Variants in PCCB observed in about 807,000 individuals in gnomAD.
PCCB encodes the protein propionyl-CoA carboxylase beta chain, mitochondrial.
A neutral mutation model predicts 60.7 loss-of-function variants in PCCB; 43 were observed. The ratio of observed to expected loss-of-function variants is 0.71; its 90% confidence interval spans 0.55 to 0.91. The LOEUF (loss-of-function observed/expected upper bound fraction) is 0.91. Ranked by LOEUF, PCCB falls within the 40% of genes least tolerant of loss-of-function variation. PCCB has a pLI of 0.00. For missense variants in PCCB, 766 were observed against 702.8 expected, an observed-to-expected ratio of 1.09 and a Z score of -1.02; for synonymous variants, 276 against 255.9, an observed-to-expected ratio of 1.08 and a Z score of -0.75.
intron 5 of PCCB, among the ~76,000 whole-genome samples, chr3:136,274,269 C>T (rs1942282967): frequency 6.6e-6 from 1 of 151,680 alleles, no homozygotes; most frequent in Admixed American, 6.6e-5. Context: ...GCATATTGAG[C>T]TTTTGTTTCA....
rs189494066 is a variant in PCCB at position 136,300,916 on chromosome 3, C to G, written c.885-114C>G. 8 of 762,952 alleles carry G rather than the reference C, an allele frequency of 1.0e-5. No individual in the cohort carries two copies. The Admixed American group carries it at 1.6e-4, about 15-fold the overall frequency. The allele number at this position is 762,952 out of a possible 1,614,324, so 47.3% of individuals were successfully genotyped here. On this transcript the variant is annotated intron_variant, in intron 8 of 14. Coordinates refer to ENST00000251654, the MANE Select transcript of PCCB (RefSeq NM_000532.5). ...GACTGCTTTGTAAGCCCAGCAGGGACAGAACTGGCCCAGTCCCTATGACGT... is the reference window on the plus strand; with the variant it reads ...GACTGCTTTGTAAGCCCAGCAGGGAGAGAACTGGCCCAGTCCCTATGACGT...
chr3:136,308,608 G>C (rs889840826), intron 9 of PCCB, among the ~76,000 whole-genome samples: 7 of 152,098 alleles, frequency 4.6e-5, no homozygotes, highest in African/African-American at 1.4e-4. Flanking sequence ...ATTTCTTTTG[G>C]ACTTTACACC....
At position 136,255,872 on chromosome 3, in the gene PCCB, G is replaced by A; in HGVS notation, c.200G>A (p.Arg67Lys). The A allele has an allele frequency of 6.2e-7, 1 of 1,613,980 alleles. No individual in the cohort carries two copies. Among genetic ancestry groups the A allele is most frequent in the Non-Finnish European group, 8.5e-7 (1 of 1,179,900 alleles). The part of the protein sequence containing the change: ...AQHKRGKLTA[R>K]ERISLLLDPG... ...CCATTGTAGGGAAAGCTAACAGCCA[G>A]GGAGAGGATCAGTCTCTTGCTGGAC... The change falls in exon 2 of 15, where the codon AGG (arginine) becomes AAG (lysine). Residue 67 changes from arginine to lysine, a missense_variant. Physicochemically the swap from Arg to Lys is conservative, Grantham distance 26. Coordinates refer to ENST00000251654, the MANE Select transcript of PCCB (RefSeq NM_000532.5).
At chr3:136,291,170 G>C (rs1933670887) in intron 6 of PCCB, among the ~76,000 whole-genome samples, 1 of 151,920 alleles carries the variant, frequency 6.6e-6, no homozygotes, top group African/African-American at 2.4e-5. Context: ...ATGGAGTCTT[G>C]CTGTCTTGGC....
intron 8 of PCCB, among the ~76,000 whole-genome samples, chr3:136,299,520 GTA>G (rs1934115189): frequency 7.5e-6 from 1 of 134,206 alleles, no homozygotes; most frequent in African/African-American, 3.2e-5. Context: ...GTATGCATGT[GTA>G]TGTATGTATA....
At chr3:136,328,580 G>A (rs1935418309) in intron 13 of PCCB, among the ~76,000 whole-genome samples, 178 bp from the exon 14 acceptor site, 1 of 152,168 alleles carries the variant, frequency 6.6e-6, no homozygotes, top group African/African-American at 2.4e-5. Context: ...AGCCCCTTGT[G>A]TCATGATGGT....
rs398123461 is a variant in PCCB, at chr3:136,250,561, G to C, written c.183+3G>C. The C allele has an allele frequency of 6.2e-7, 1 of 1,610,168 alleles. No individual in the cohort carries two copies. The highest frequency in any genetic ancestry group is 1.7e-5 in the Admixed American group (1 of 59,780). On this transcript the variant is annotated splice_donor_region_variant and intron_variant, in intron 1 of 14. Transcript: ENST00000251654. ...GTATTGACGCGCAGCACAAGCGAGT[G>C]AGTCCTGAGGGGCCTAAGTGAGTCC...
chr3:136,262,989 C>CT (rs1184166354), intron 5 of PCCB, among the ~76,000 whole-genome samples: 2 of 139,408 alleles, frequency 1.4e-5, no homozygotes, highest in Non-Finnish European at 1.5e-5. Context: ...GAGTCTGGCT[C>CT]TGTCTCCCAG....
chr3:136,320,150 T>C (rs966703055), intron 10 of PCCB, among the ~76,000 whole-genome samples: 2 of 152,232 alleles, frequency 1.3e-5, no homozygotes, highest in African/African-American at 4.8e-5. Flanking sequence ...AACTTTATTG[T>C]TGTTCTTAGG....
intron 8 of PCCB, among the ~76,000 whole-genome samples, chr3:136,299,189 T>G (rs1934077830): frequency 6.6e-6 from 1 of 150,726 alleles, no homozygotes; most frequent in African/African-American, 2.4e-5. Flanking sequence ...CCAAGGGAGA[T>G]ATATATCCAT....
At chr3:136,253,979 T>C (rs1941596241) in intron 1 of PCCB, among the ~76,000 whole-genome samples, 1 of 151,992 alleles carries the variant, frequency 6.6e-6, no homozygotes, top group African/African-American at 2.4e-5. Context: ...TCTGTATATA[T>C]GTTGCCAAGT....
chr3:136,279,981 G>A (rs1361344413), intron 5 of PCCB, among the ~76,000 whole-genome samples: 1 of 152,158 alleles, frequency 6.6e-6, no homozygotes, highest in African/African-American at 2.4e-5. Context: ...ATTTATTTTT[G>A]TAAATTTTAT....
chr3:136,274,994 G>A (rs1942303393), intron 5 of PCCB, among the ~76,000 whole-genome samples: 1 of 151,648 alleles, frequency 6.6e-6, no homozygotes, highest in Non-Finnish European at 1.5e-5. Context: ...TGTTTTTTTT[G>A]TAGAGATGGA....
At chr3:136,300,046 G>A (rs1391719321) in intron 8 of PCCB, among the ~76,000 whole-genome samples, 1 of 150,942 alleles carries the variant, frequency 6.6e-6, no homozygotes, top group Non-Finnish European at 1.5e-5. Flanking sequence ...ATATATGCAT[G>A]CCCACACACA....
rs777455573 is a variant in PCCB, at chr3:136,283,845, T to TA, written c.553dup (p.Thr185AsnfsTer45). Reference sequence around the variant, plus strand: ...CTTTTCTGTTTTGGCAGAGGAATGTTACGGCATCCGGAGTCATCCCTCAGA... The same window carrying TA: ...CTTTTCTGTTTTGGCAGAGGAATGTTAACGGCATCCGGAGTCATCCCTCAGA... On this transcript the variant is annotated frameshift_variant, in exon 6 of 15. Coordinates refer to ENST00000251654, the MANE Select transcript of PCCB (RefSeq NM_000532.5). LOFTEE classifies it high-confidence loss of function. 3.1e-6 allele frequency: 5 copies of TA among 1,611,404 alleles called. No individual in the cohort carries two copies. The highest frequency in any genetic ancestry group is 4.2e-6 in the Non-Finnish European group (5 of 1,177,566).
In PCCB at chr3:136,269,227, C is replaced by T. The variant is rs537904942; in HGVS notation, c.543+7162C>T. 3.3e-5 allele frequency among the ~76,000 whole-genome samples: 5 copies of T among 152,170 alleles called. No homozygotes were observed. In the East Asian group the frequency reaches 7.7e-4, roughly 24 times the overall value. ...ATCCAGGAGGCGGAGGTTGCAGACTCCAGCCTGGGTGACAGAGCAAGACTC... is the reference window on the plus strand; with the variant it reads ...ATCCAGGAGGCGGAGGTTGCAGACTTCAGCCTGGGTGACAGAGCAAGACTC... On this transcript the variant is annotated intron_variant, in intron 5 of 14. Transcript: ENST00000251654.
chr3:136,308,401 AT>A (rs144462300), intron 9 of PCCB, among the ~76,000 whole-genome samples: 1,686 of 152,260 alleles, frequency 0.011, 16 homozygotes, highest in Middle Eastern at 0.034. Context: ...GTTCACAATG[AT>A]AATGTAAAGC....
chr3:136,283,604 G>A (rs981929365), intron 5 of PCCB, among the ~76,000 whole-genome samples: 1 of 152,180 alleles, frequency 6.6e-6, no homozygotes, highest in African/African-American at 2.4e-5. Flanking sequence ...CCCAGGAGGG[G>A]AGGGGAGAGA....
At chr3:136,316,286 G>A (rs1051523129) in intron 9 of PCCB, among the ~76,000 whole-genome samples, 2 of 151,500 alleles carry the variant, frequency 1.3e-5, no homozygotes, top group Non-Finnish European at 2.9e-5. Flanking sequence ...CGGGGTGAAG[G>A]GTATATGTAC....
Sources: gnomAD v4.1 joint callset for allele counts (sites outside exome capture counted in the v4.1 genomes callset) on GRCh38, gnomAD v4.1.1 for gene constraint, MANE v1.5 for transcripts, NCBI Gene and HGNC (gene_info 2026-07-23, HGNC 2026-07-21) for gene names.